The following COL25A1 variants were observed in gnomAD, a reference collection of about 807,000 sequenced individuals.
The protein encoded by COL25A1 is collagen alpha-1(XXV) chain.
In COL25A1, 103 loss-of-function variants were observed where a neutral mutation model predicts 128.4. That is an observed-to-expected ratio of 0.80 (90% CI 0.68 to 0.94). The LOEUF (loss-of-function observed/expected upper bound fraction) is 0.94, where lower values mean the gene tolerates loss of function less well. Ranked by LOEUF, COL25A1 falls within the 40% of genes least tolerant of loss-of-function variation. The pLI, the probability that COL25A1 is intolerant of heterozygous loss-of-function variation, is 0.00. For synonymous variants in COL25A1, 279 were observed against 277.2 expected (o/e 1.01, Z -0.06); for missense variants, 745 against 840.0 (o/e 0.89, Z 1.40).
At chr4:109,084,924 A>C (rs568454021) in intron 3 of COL25A1, among the ~76,000 whole-genome samples, 2 of 152,274 alleles carry the variant, frequency 1.3e-5, no homozygotes, top group East Asian at 3.9e-4. Context: ...CTTGCATTTT[A>C]ATTTTTATCC....
chr4:108,856,177 G>T (rs1048124644), intron 24 of COL25A1, among the ~76,000 whole-genome samples: 1 of 152,030 alleles, frequency 6.6e-6, no homozygotes, highest in Non-Finnish European at 1.5e-5. Flanking sequence ...ACTCGCCCAC[G>T]ATTCATACTA....
At chr4:108,972,889 T>C (rs1296449682) in intron 8 of COL25A1, among the ~76,000 whole-genome samples, 1 of 152,168 alleles carries the variant, frequency 6.6e-6, no homozygotes, top group African/African-American at 2.4e-5. Context: ...GGTTTCAGGT[T>C]TCATCCTGAA....
At chr4:109,279,046 C>G (rs1245329869) in intron 3 of COL25A1, among the ~76,000 whole-genome samples, 1 of 151,638 alleles carries the variant, frequency 6.6e-6, no homozygotes, top group African/African-American at 2.4e-5. Flanking sequence ...GAACTAGTCA[C>G]CTCTCAAAAG....
At chr4:108,922,051 A>G (rs751997068) in intron 11 of COL25A1, among the ~76,000 whole-genome samples, 4 of 152,126 alleles carry the variant, frequency 2.6e-5, no homozygotes, top group Admixed American at 1.3e-4. Context: ...TTCATCTGGT[A>G]TACTCTGGAA....
intron 5 of COL25A1, among the ~76,000 whole-genome samples, chr4:109,012,649 C>A (rs942410772): frequency 1.3e-5 from 2 of 152,144 alleles, no homozygotes; most frequent in Admixed American, 1.3e-4. Context: ...GGCGCCAGGT[C>A]CCCCGGCACT....
chr4:109,211,260 G>GTA (rs60998330), intron 3 of COL25A1, among the ~76,000 whole-genome samples: 2,008 of 111,156 alleles, frequency 0.018, 80 homozygotes, highest in South Asian at 0.14. Context: ...CAATATATAT[G>GTA]TATATATATG....
At chr4:108,949,176 T>C (rs575404283) in intron 8 of COL25A1, among the ~76,000 whole-genome samples, 4 of 152,120 alleles carry the variant, frequency 2.6e-5, no homozygotes, top group Non-Finnish European at 5.9e-5. Context: ...TTGATTTTAT[T>C]TATATACACT....
intron 31 of COL25A1, among the ~76,000 whole-genome samples, chr4:108,841,245 TGACC>T (rs1172658267): frequency 1.5e-4 from 23 of 152,310 alleles, no homozygotes; most frequent in Admixed American, 9.8e-4. Context: ...TCTAGACCAA[TGACC>T]TCTGGGCGAG....
chr4:109,034,465 T>C (rs1560574711), intron 5 of COL25A1, among the ~76,000 whole-genome samples: 1 of 152,208 alleles, frequency 6.6e-6, no homozygotes, highest in Non-Finnish European at 1.5e-5. Context: ...CTGTATACCA[T>C]AATTCATTGT....
chr4:109,116,343 C>A (rs1767556644), intron 3 of COL25A1, among the ~76,000 whole-genome samples: 1 of 152,012 alleles, frequency 6.6e-6, no homozygotes, highest in Non-Finnish European at 1.5e-5. Context: ...TCTATTTTCA[C>A]AGAGCATAGC....
chr4:109,129,509 AAAGT>A (rs1768966097), intron 3 of COL25A1, among the ~76,000 whole-genome samples: 1 of 152,192 alleles, frequency 6.6e-6, no homozygotes, highest in Non-Finnish European at 1.5e-5. Flanking sequence ...CATATATTAT[AAAGT>A]AATATAATTT....
rs560256778 is a variant in COL25A1, at chr4:108,984,541, G to A, written c.439-9982C>T. Among the ~76,000 whole-genome samples, 51 of 152,312 alleles carry A rather than the reference G, an allele frequency of 3.3e-4. 1 individual carries two copies. Among genetic ancestry groups the A allele is most frequent in the Middle Eastern group, 3.4e-3 (1 of 294 alleles). ...CTGCAGGTCCCGAGCCCTGCCCCGC[G>A]GGAAGGCAGCTAAGGCCCAGCGAGA... On this transcript the variant is annotated intron_variant, in intron 6 of 37. Coordinates refer to ENST00000399132, the MANE Select transcript of COL25A1 (RefSeq NM_198721.4).
chr4:108,822,831 G>T (rs1002215582), intron 35 of COL25A1, among the ~76,000 whole-genome samples: 4 of 152,166 alleles, frequency 2.6e-5, no homozygotes, highest in East Asian at 3.8e-4. Context: ...CAGAATAAAA[G>T]AATTTTTTAT....
chr4:108,990,268 A>G (rs1310591209), intron 6 of COL25A1, among the ~76,000 whole-genome samples: 1 of 131,000 alleles, frequency 7.6e-6, no homozygotes, highest in East Asian at 2.1e-4. Flanking sequence ...ATATATATAT[A>G]TATATCTCAA....
At chr4:108,998,777 A>G (rs550244165) in intron 6 of COL25A1, among the ~76,000 whole-genome samples, 131 of 152,292 alleles carry the variant, frequency 8.6e-4, no homozygotes, top group African/African-American at 3.1e-3. Flanking sequence ...ATATAGACCA[A>G]TGGAACAGAA....
chr4:109,165,837 T>A (rs1441570464), intron 3 of COL25A1, among the ~76,000 whole-genome samples: 1 of 152,228 alleles, frequency 6.6e-6, no homozygotes, highest in East Asian at 1.9e-4. Flanking sequence ...AGTGTAATTT[T>A]AAAATTGCAT....
intron 35 of COL25A1, among the ~76,000 whole-genome samples, chr4:108,820,327 C>T (rs572718122): frequency 4.6e-5 from 7 of 152,204 alleles, no homozygotes; most frequent in Admixed American, 1.3e-4. Context: ...AATCCTGTAA[C>T]AGATGAAAGC....
At chr4:109,047,070 C>G (rs1760492391) in intron 5 of COL25A1, among the ~76,000 whole-genome samples, 1 of 152,124 alleles carries the variant, frequency 6.6e-6, no homozygotes, top group South Asian at 2.1e-4. Flanking sequence ...TCCAAGGGCT[C>G]CATCTCATGT....
chr4:108,842,899 C>T (rs994198821), intron 30 of COL25A1, among the ~76,000 whole-genome samples: 15 of 152,064 alleles, frequency 9.9e-5, no homozygotes, highest in African/African-American at 3.6e-4. Flanking sequence ...AATCCTAGCA[C>T]TTTGGGAGGC....
Sources: allele counts gnomAD v4.1 joint callset (sites outside exome capture counted in the v4.1 genomes callset), GRCh38; gene constraint gnomAD v4.1.1; transcripts MANE v1.5; gene names NCBI Gene and HGNC (gene_info 2026-07-23, HGNC 2026-07-21).